Variants in LRMDA observed in about 807,000 individuals in gnomAD.
LRMDA encodes the protein leucine-rich melanocyte differentiation-associated protein.
A neutral mutation model predicts 29.8 loss-of-function variants in LRMDA; 18 were observed. The ratio of observed to expected loss-of-function variants is 0.60; its 90% CI spans 0.42 to 0.90. The LOEUF (loss-of-function observed/expected upper bound fraction) is 0.90, where lower values mean the gene tolerates loss of function less well. Among genes scored for constraint, LRMDA ranks in the 40% least tolerant of loss-of-function variants. LRMDA has a pLI of 0.00. For missense variants in LRMDA, 273 were observed against 273.9 expected (o/e 1.00, Z 0.02); for synonymous variants, 125 against 109.4 (o/e 1.14, Z -0.89).
intron 2 of LRMDA, among the ~76,000 whole-genome samples, chr10:76,011,685 G>A (rs549136515): frequency 2.4e-4 from 37 of 152,308 alleles, no homozygotes; most frequent in African/African-American, 8.7e-4. Context: ...TTTAGGAAAG[G>A]GATTCTGTGT....
intron 2 of LRMDA, among the ~76,000 whole-genome samples, chr10:75,673,415 ATAT>A (rs1327688104): frequency 6.6e-6 from 1 of 152,112 alleles, no homozygotes; most frequent in Non-Finnish European, 1.5e-5. Flanking sequence ...CAGATACATA[ATAT>A]TTGATGCTGT....
intron 2 of LRMDA, among the ~76,000 whole-genome samples, chr10:75,494,905 A>G (rs1851482149): frequency 6.6e-6 from 1 of 152,204 alleles, no homozygotes. Context: ...TGGGATCTTG[A>G]ACTAATCATG....
chr10:75,437,346 T>A (rs1333156250), intron 1 of LRMDA, among the ~76,000 whole-genome samples: 1 of 152,246 alleles, frequency 6.6e-6, no homozygotes, highest in Non-Finnish European at 1.5e-5. Context: ...TCTCTCATTC[T>A]AAGAGATCTT....
intron 2 of LRMDA, among the ~76,000 whole-genome samples, chr10:75,924,679 C>CT (rs1228213173): frequency 6.6e-6 from 1 of 151,804 alleles, no homozygotes; most frequent in Admixed American, 6.6e-5. Context: ...CGCCTGTCAG[C>CT]TTTGCTCAGC....
intron 2 of LRMDA, among the ~76,000 whole-genome samples, chr10:75,658,038 A>G (rs1358780140): frequency 1.3e-5 from 2 of 152,008 alleles, no homozygotes; most frequent in East Asian, 3.9e-4. Context: ...CTGGCTTCAC[A>G]GTGTTTAGAC....
intron 5 of LRMDA, among the ~76,000 whole-genome samples, chr10:76,169,640 C>T (rs564467957): frequency 7.2e-5 from 11 of 152,090 alleles, no homozygotes; most frequent in Non-Finnish European, 1.3e-4. Flanking sequence ...GTAATAAGCC[C>T]ATAGTGGAGG....
chr10:76,521,180 C>T (rs900675956), intron 6 of LRMDA, among the ~76,000 whole-genome samples: 2 of 145,208 alleles, frequency 1.4e-5, no homozygotes, highest in South Asian at 4.3e-4. Flanking sequence ...GTCGCCCAGG[C>T]TGGAGTGCCG....
At chr10:75,824,003 T>G (rs1844209526) in intron 2 of LRMDA, among the ~76,000 whole-genome samples, 1 of 152,008 alleles carries the variant, frequency 6.6e-6, no homozygotes. Flanking sequence ...TAGGAGGATT[T>G]CGGGAGAAGG....
At chr10:76,390,887 A>C (rs1039034485) in intron 6 of LRMDA, among the ~76,000 whole-genome samples, 3 of 152,206 alleles carry the variant, frequency 2.0e-5, no homozygotes, top group Non-Finnish European at 4.4e-5. Context: ...GGAGTTCACC[A>C]AAGGTGATAA....
intron 6 of LRMDA, among the ~76,000 whole-genome samples, chr10:76,432,810 T>C (rs1842205658): frequency 6.6e-6 from 1 of 152,168 alleles, no homozygotes; most frequent in Admixed American, 6.5e-5. Context: ...TCCAGTATTG[T>C]GTCTGCATAG....
intron 2 of LRMDA, among the ~76,000 whole-genome samples, chr10:75,910,031 AC>A (rs1425788123): frequency 6.6e-6 from 1 of 152,172 alleles, no homozygotes; most frequent in Non-Finnish European, 1.5e-5. Context: ...CTTAGGAGGG[AC>A]TGGAATTTTT....
intron 5 of LRMDA, among the ~76,000 whole-genome samples, chr10:76,135,900 A>G (rs1283110279): frequency 6.6e-6 from 1 of 152,008 alleles, no homozygotes; most frequent in Non-Finnish European, 1.5e-5. Context: ...TGGGGTTAGG[A>G]CTTCAACATC....
intron 6 of LRMDA, among the ~76,000 whole-genome samples, chr10:76,357,950 A>G (rs1841262911): frequency 6.6e-6 from 1 of 152,160 alleles, no homozygotes; most frequent in Admixed American, 6.5e-5. Flanking sequence ...CATTGTGAAA[A>G]CAGGAAAGAC....
chr10:75,692,415 A>G (rs1260750178), intron 2 of LRMDA, among the ~76,000 whole-genome samples: 2 of 145,392 alleles, frequency 1.4e-5, no homozygotes, highest in Admixed American at 1.4e-4. Flanking sequence ...ATATACACAT[A>G]TATGCATATA....
chr10:75,460,038 C>A (rs539509750), intron 2 of LRMDA, among the ~76,000 whole-genome samples: 2 of 152,272 alleles, frequency 1.3e-5, no homozygotes, highest in Non-Finnish European at 2.9e-5. Context: ...AGGTTAGAGA[C>A]AAAATGCAGT....
chr10:75,627,452 G>A (rs1037081805), intron 2 of LRMDA, among the ~76,000 whole-genome samples: 3 of 152,204 alleles, frequency 2.0e-5, no homozygotes, highest in Admixed American at 1.3e-4. Flanking sequence ...AAAGAGATGA[G>A]TTATGGCAGT....
chr10:75,720,862 C>T (rs763253619), intron 2 of LRMDA, among the ~76,000 whole-genome samples: 69 of 152,112 alleles, frequency 4.5e-4, no homozygotes, highest in Admixed American at 2.4e-3. Flanking sequence ...CTACCCAAGA[C>T]GGCTTCTCGG....
intron 2 of LRMDA, among the ~76,000 whole-genome samples, chr10:75,591,308 G>C (rs1207518071): frequency 1.3e-5 from 2 of 152,114 alleles, no homozygotes; most frequent in Non-Finnish European, 2.9e-5. Flanking sequence ...CATGGATAGG[G>C]TATTCTTATT....
chr10:75,558,253 C>T lies in LRMDA; in HGVS notation c.131+119759C>T, dbSNP rs547458214. 3.4e-4 allele frequency among the ~76,000 whole-genome samples: 50 copies of T among 148,396 alleles called. 2 individuals carry two copies. The highest frequency in any genetic ancestry group is 1.6e-3 in the Admixed American group (23 of 14,610). ...AGTACCTCCCTGAAAATTAGTCTAA[C>T]TAAGGCAGTTTGGGGGTTAAGTGTG... On this transcript the variant is annotated intron_variant, in intron 2 of 6. Transcript: ENST00000611255.
Sources: allele counts gnomAD v4.1 joint callset (sites outside exome capture counted in the v4.1 genomes callset), GRCh38; gene constraint gnomAD v4.1.1; transcripts MANE v1.5; gene names NCBI Gene and HGNC (gene_info 2026-07-23, HGNC 2026-07-21).